The following SCARF2 variants were observed in gnomAD, a reference collection of about 807,000 sequenced individuals.
SCARF2 encodes scavenger receptor expressed by endothelial cells 2 protein.
A neutral mutation model predicts 73.4 loss-of-function variants in SCARF2; 39 were observed. The ratio of observed to expected loss-of-function variants is 0.53; its 90% CI spans 0.41 to 0.69. The LOEUF is 0.69. Ranked by LOEUF, SCARF2 falls within the 30% of genes least tolerant of loss-of-function variation. The pLI, the probability that SCARF2 is intolerant of heterozygous loss-of-function variation, is 0.00. For synonymous variants in SCARF2, 605 were observed against 590.0 expected, an observed-to-expected ratio of 1.03 and a Z score of -0.37; for missense variants, 1,148 against 1,303.5, an observed-to-expected ratio of 0.88 and a Z score of 1.84.
At chr22:20,426,358 C>T (rs1476437940) in intron 10 of SCARF2, 76 bp from the exon 11 acceptor site, 1 of 1,481,390 alleles carries the variant, frequency 6.8e-7, no homozygotes, top group East Asian at 2.5e-5. Context: ...CGCAAACCTT[C>T]ACCTTTCCTC....
At chr22:20,435,705 T>G (rs1349110374) in intron 1 of SCARF2, among the ~76,000 whole-genome samples, 1 of 152,086 alleles carries the variant, frequency 6.6e-6, no homozygotes, top group Non-Finnish European at 1.5e-5. Flanking sequence ...TCTCAGCCGT[T>G]CTCCTCAGAA....
intron 9 of SCARF2, among the ~76,000 whole-genome samples, chr22:20,428,777 A>C (rs1003188620): frequency 6.6e-6 from 1 of 152,172 alleles, no homozygotes; most frequent in Non-Finnish European, 1.5e-5. Flanking sequence ...GGTGGGGACC[A>C]GCCTGCCCAC....
chr22:20,425,746 G>A lies in SCARF2; in HGVS notation c.2230C>T (p.Arg744Trp). ...TCCAAGAGGCCGGGGCCGCGGCCCC[G>A]CGCTCGGGCCCTGGGCGGCGAGGGC... ...AAPSPPRARA[R>W]GRGPGLLEPT... Residue 744 changes from arginine (R) to tryptophan (W), a missense_variant, in exon 11 of 11, where the codon CGG becomes TGG. By Grantham distance (101) the Arg-to-Trp change is moderately radical (BLOSUM62 -3). Coordinates refer to ENST00000622235, the MANE Select transcript of SCARF2 (RefSeq NM_182895.5). The surrounding 1 kb of genome is among the most constrained non-coding windows in gnomAD (Gnocchi z 4.6). The A allele has an allele frequency of 1.6e-6, 2 of 1,235,604 alleles. No homozygotes were observed. Among genetic ancestry groups the A allele is most frequent in the South Asian group, 3.8e-5 (1 of 26,032 alleles). 76.5% of individuals were successfully genotyped at this position (1,235,604 alleles called of 1,614,324 possible).
In SCARF2 at chr22:20,429,734, G is replaced by A. The variant is rs777284397; in HGVS notation, c.1302C>T (p.His434=). 10 of 1,613,868 alleles carry A rather than the reference G, an allele frequency of 6.2e-6. No homozygotes were observed. The South Asian group carries it at 1.1e-4, about 18-fold the overall frequency. The change falls in exon 7 of 11, where the codon CAC becomes CAT. Residue 434 remains histidine, a synonymous_variant. Transcript: ENST00000622235. The surrounding 1 kb of genome is among the most constrained non-coding windows in gnomAD (Gnocchi z 5.2). ...DTCDPVTGAC[H]LETNQRKGVM... ...GGACGCCCCTCATCCACTTACCTAG[G>A]TGGCAGGCACCAGTGACCGGGTCGC... is the stretch of plus-strand genomic sequence containing the variant.
At chr22:20,434,913 C>T (rs1402082482) in intron 1 of SCARF2, among the ~76,000 whole-genome samples, 5 of 152,194 alleles carry the variant, frequency 3.3e-5, no homozygotes, top group African/African-American at 1.2e-4. Flanking sequence ...GCTGCCCCGC[C>T]TGGACACCTC....
At chr22:20,427,306 C>T in intron 10 of SCARF2, 92 bp downstream of exon 10, 6 of 1,494,058 alleles carry the variant, frequency 4.0e-6, no homozygotes, top group Non-Finnish European at 5.5e-6. Flanking sequence ...CTCCATGCTG[C>T]CTGCCCTTCT....
chr22:20,425,350 C>G lies in SCARF2; in HGVS notation c.*25G>C, dbSNP rs991042070. The G allele has an allele frequency of 3.7e-6, 5 of 1,367,670 alleles. No homozygotes were observed. In the African/African-American group the frequency reaches 6.0e-5, roughly 16 times the overall value. The allele number at this position is 1,367,670 out of a possible 1,614,324, so 84.7% of individuals were successfully genotyped here. ...GGGCGGCGCTGCGAAGCTGAGGGAGCTGCGCGCGGACGAGCCACAGCCTGC... is the reference window on the plus strand; with the variant it reads ...GGGCGGCGCTGCGAAGCTGAGGGAGGTGCGCGCGGACGAGCCACAGCCTGC... On this transcript the variant is annotated 3_prime_UTR_variant, in exon 11 of 11. Transcript: ENST00000622235. This position sits in a 1 kb window ranked among gnomAD's most constrained non-coding sequence, Gnocchi z 4.6.
At chr22:20,434,356 C>T (rs918993891) in intron 1 of SCARF2, among the ~76,000 whole-genome samples, 5 of 152,128 alleles carry the variant, frequency 3.3e-5, no homozygotes, top group African/African-American at 9.7e-5. Context: ...AGAAAGAGAG[C>T]GCGCGCCAAG....
chr22:20,430,503 G>A lies in SCARF2; in HGVS notation c.1128C>T (p.Cys376=), dbSNP rs767284288. Residue 376 remains cysteine, a synonymous_variant, in exon 6 of 11, where the codon TGC becomes TGT. Transcript: ENST00000622235. Reference sequence around the variant, plus strand: ...CGCAGTGTCCGCTGCCGCAGTCGGCGCACACGAAGGCGCAGTCCTCGCCGT... The same window carrying A: ...CGCAGTGTCCGCTGCCGCAGTCGGCACACACGAAGGCGCAGTCCTCGCCGT... ...GTYGEDCAFV[C]ADCGSGHCDF... is the part of the protein sequence containing the mutation. The A allele has an allele frequency of 2.2e-5, 36 of 1,603,896 alleles. No homozygotes were observed. Among genetic ancestry groups the A allele is most frequent in the Non-Finnish European group, 3.1e-5 (36 of 1,175,962 alleles).
rs1383722591 is a variant in SCARF2 at position 20,425,299 on chromosome 22, C to T, written c.*76G>A. ...CGGCCAATAGGAGGCCGCCCGTGCC[C>T]GGTAGCGTGGGAGGTGTGGGGTGGC... On this transcript the variant is annotated 3_prime_UTR_variant, in exon 11 of 11. Transcript: ENST00000622235. This position sits in a 1 kb window ranked among gnomAD's most constrained non-coding sequence, Gnocchi z 4.6. The T allele has an allele frequency of 8.1e-7, 1 of 1,235,714 alleles. No homozygotes were observed. Among genetic ancestry groups the T allele is most frequent in the African/African-American group, 1.6e-5 (1 of 63,472 alleles). 76.5% of individuals were successfully genotyped at this position (1,235,714 alleles called of 1,614,324 possible).
Position 20,431,365 on chromosome 22 carries a change from C to G in SCARF2, c.507G>C (p.Ala169=), listed in dbSNP as rs1009667825. The change falls in exon 4 of 11, where the codon GCG becomes GCC. Residue 169 remains alanine (A), a synonymous_variant. Coordinates refer to ENST00000622235, the MANE Select transcript of SCARF2 (RefSeq NM_182895.5). The part of the protein sequence containing the change: ...QHGTCHPRSG[A]CRCEPGWWGA... ...CCCACCAGCCGGGCTCACAGCGGCACGCGCCGCTCCGCGGGTGGCACGTGC... is the reference window on the plus strand; with the variant it reads ...CCCACCAGCCGGGCTCACAGCGGCAGGCGCCGCTCCGCGGGTGGCACGTGC... 4 of 1,517,924 alleles carry G rather than the reference C, an allele frequency of 2.6e-6. No individual in the cohort carries two copies. Among genetic ancestry groups the G allele is most frequent in the African/African-American group, 1.4e-5 (1 of 70,506 alleles). The allele number at this position is 1,517,924 out of a possible 1,614,324, so 94.0% of individuals were successfully genotyped here.
At position 20,430,061 on chromosome 22, in the gene SCARF2, T is replaced by C; in HGVS notation, c.1203-228A>G. 6.5e-6 allele frequency: 4 copies of C among 619,266 alleles called. No homozygotes were observed. In the South Asian group the frequency reaches 7.8e-5, roughly 12 times the overall value. The allele number at this position is 619,266 out of a possible 1,614,324, so 38.4% of individuals were successfully genotyped here. The stretch of plus-strand genomic sequence containing the variant: ...AACACTAGTGGGGGGGCCTGGGGGA[T>C]AGGACCCGTGGTGGCCGCGCCGCAG... On this transcript the variant is annotated intron_variant, in intron 6 of 10. Coordinates refer to ENST00000622235, the MANE Select transcript of SCARF2 (RefSeq NM_182895.5).
At chr22:20,432,138 C>T in intron 1 of SCARF2, 150 bp from the exon 2 acceptor site, 1 of 829,002 alleles carries the variant, frequency 1.2e-6, no homozygotes, top group African/African-American at 1.7e-5. Context: ...GCCAGGCAGT[C>T]GTCTGGCGGT....
At position 20,425,251 on chromosome 22, in the gene SCARF2, ACCTCCGCTAG is replaced by A; in HGVS notation, c.*114_*123del. On this transcript the variant is annotated 3_prime_UTR_variant, in exon 11 of 11. Coordinates refer to ENST00000622235, the MANE Select transcript of SCARF2 (RefSeq NM_182895.5). This position sits in a 1 kb window ranked among gnomAD's most constrained non-coding sequence, Gnocchi z 4.6. The stretch of plus-strand genomic sequence containing the variant: ...GCAGGACCTGAGCCAATGAGACGCA[ACCTCCGCTAG>A]CCGCGCGGTGCCCGGCCAATAGGAG... 1 of 815,030 alleles carries A rather than the reference ACCTCCGCTAG, an allele frequency of 1.2e-6. No homozygotes were observed. Among genetic ancestry groups the A allele is most frequent in the South Asian group, 3.4e-5 (1 of 29,176 alleles). The allele number at this position is 815,030 out of a possible 1,614,324, so 50.5% of individuals were successfully genotyped here.
At chr22:20,428,708 C>A (rs2052607801) in intron 9 of SCARF2, among the ~76,000 whole-genome samples, 1 of 152,188 alleles carries the variant, frequency 6.6e-6, no homozygotes. Flanking sequence ...AGAGGGTCCA[C>A]CCAGGTGCAA....
At chr22:20,432,309 G>A (rs1032724188) in intron 1 of SCARF2, among the ~76,000 whole-genome samples, 1 of 152,218 alleles carries the variant, frequency 6.6e-6, no homozygotes, top group Non-Finnish European at 1.5e-5. Flanking sequence ...AGCAGCCAGG[G>A]AGAAGACCAT....
In SCARF2 at chr22:20,431,330, CA is replaced by C; in HGVS notation, c.541del (p.Cys181AlafsTer123). 1 of 1,506,072 alleles carries C rather than the reference CA, an allele frequency of 6.6e-7. No individual in the cohort carries two copies. Among genetic ancestry groups the C allele is most frequent in the Non-Finnish European group, 8.8e-7 (1 of 1,135,360 alleles). The allele number at this position is 1,506,072 out of a possible 1,614,324, so 93.3% of individuals were successfully genotyped here. ...GGCGCTGCAGTAGCACGCGCTGGCG[CA>C]CTGCGCGCCCCACCAGCCGGGCTCA... ...RCEPGWWGAQ[C>X]ASACYCSATS... On this transcript the variant is annotated frameshift_variant, in exon 4 of 11. Transcript: ENST00000622235. LOFTEE classifies it high-confidence loss of function.
rs2052556288 is a variant in SCARF2 at position 20,425,076 on chromosome 22, T to C, written c.*299A>G. Reference sequence around the variant, plus strand: ...AAGAGGCGGTCTTTAAGCGGAACCCTCCCATCTTTGGCCAATGAGACGCTG... The same window carrying C: ...AAGAGGCGGTCTTTAAGCGGAACCCCCCCATCTTTGGCCAATGAGACGCTG... On this transcript the variant is annotated 3_prime_UTR_variant, in exon 11 of 11. Transcript: ENST00000622235. This position sits in a 1 kb window ranked among gnomAD's most constrained non-coding sequence, Gnocchi z 4.6. 2 of 354,424 alleles carry C rather than the reference T, an allele frequency of 5.6e-6. No individual in the cohort carries two copies. Among genetic ancestry groups the C allele is most frequent in the Non-Finnish European group, 1.0e-5 (2 of 197,496 alleles). The allele number at this position is 354,424 out of a possible 1,614,324, so 22.0% of individuals were successfully genotyped here. A position where few individuals can be genotyped will look rare whatever the true frequency, so the allele number is the denominator to read the frequency against.
chr22:20,436,157 G>A lies in SCARF2; in HGVS notation c.173+1425C>T, dbSNP rs9622804. 5.7e-3 allele frequency among the ~76,000 whole-genome samples: 871 copies of A among 152,350 alleles called. 9 individuals carry two copies. Among genetic ancestry groups the A allele is most frequent in the African/African-American group, 0.02 (833 of 41,586 alleles). Reference sequence around the variant, plus strand: ...TGACTTGCCCAGGTCCACACAGCTGGGTAGGGTGGCACCAGGATGGGAACC... The same window carrying A: ...TGACTTGCCCAGGTCCACACAGCTGAGTAGGGTGGCACCAGGATGGGAACC... On this transcript the variant is annotated intron_variant, in intron 1 of 10. Transcript: ENST00000622235.
Sources: allele counts gnomAD v4.1 joint callset (sites outside exome capture counted in the v4.1 genomes callset), GRCh38; gene constraint gnomAD v4.1.1; non-coding constraint Gnocchi (gnomAD v3.1); transcripts MANE v1.5; gene names NCBI Gene and HGNC (gene_info 2026-07-23, HGNC 2026-07-21).